The following MARCHF1 variants were observed in gnomAD, a reference collection of about 807,000 sequenced individuals.
MARCHF1 encodes membrane associated ring-CH-type finger 1.
Under a neutral mutation model 54.2 loss-of-function variants are expected in MARCHF1, and 40 were observed. The ratio of observed to expected loss-of-function variants is 0.74; its 90% CI spans 0.57 to 0.96. The LOEUF (loss-of-function observed/expected upper bound fraction) is 0.96, where lower values mean the gene tolerates loss of function less well. Ranked by LOEUF, MARCHF1 falls within the 40% of genes least tolerant of loss-of-function variation. MARCHF1 has a pLI of 0.00. For synonymous variants in MARCHF1, 236 were observed against 236.3 expected (o/e 1.00, Z 0.01); for missense variants, 586 against 656.5 (o/e 0.89, Z 1.17).
chr4:164,312,443 CT>C (rs1734881174), intron 1 of MARCHF1, among the ~76,000 whole-genome samples: 1 of 150,956 alleles, frequency 6.6e-6, no homozygotes, highest in Admixed American at 6.6e-5. Context: ...CTGCCTCAGC[CT>C]CCCGAGTAGC....
chr4:163,600,870 C>T (rs1740941207), intron 7 of MARCHF1, among the ~76,000 whole-genome samples: 2 of 152,152 alleles, frequency 1.3e-5, no homozygotes, highest in Admixed American at 6.5e-5. Flanking sequence ...TACTAAAATC[C>T]GTCGCCAAAC....
rs115783089 is a variant in MARCHF1 at position 163,838,641 on chromosome 4, A to G, written c.111+15380T>C. On this transcript the variant is annotated intron_variant, in intron 4 of 9. Transcript: ENST00000514618. ...TAAAAACAAATGTACAAGGGCCAAGATAATTGAACTGAACTGTCTTCCAAG... is the reference window on the plus strand; with the variant it reads ...TAAAAACAAATGTACAAGGGCCAAGGTAATTGAACTGAACTGTCTTCCAAG... Among the ~76,000 whole-genome samples the G allele has an allele frequency of 4.1e-3, 627 of 152,262 alleles. 6 individuals are homozygous for G. Among genetic ancestry groups the G allele is most frequent in the African/African-American group, 0.014 (599 of 41,586 alleles).
intron 1 of MARCHF1, among the ~76,000 whole-genome samples, chr4:164,144,937 A>T (rs1264916132): frequency 4.7e-5 from 6 of 127,770 alleles, no homozygotes; most frequent in African/African-American, 1.0e-4. Flanking sequence ...AGACTAATAA[A>T]GAAAAAAAGA....
intron 3 of MARCHF1, among the ~76,000 whole-genome samples, chr4:163,950,779 T>C (rs1054350581): frequency 6.6e-6 from 1 of 152,234 alleles, no homozygotes; most frequent in East Asian, 1.9e-4. Flanking sequence ...AGATCAAACA[T>C]ACTAATTTAT....
At chr4:163,585,717 C>A in intron 8 of MARCHF1, 32 bp downstream of exon 8, 2 of 1,481,778 alleles carry the variant, frequency 1.3e-6, no homozygotes, top group Non-Finnish European at 1.8e-6. Context: ...TGCAAATGGT[C>A]CCTCCCAAAC....
intron 1 of MARCHF1, among the ~76,000 whole-genome samples, chr4:164,334,387 C>T (rs991990154): frequency 1.3e-5 from 2 of 152,108 alleles, no homozygotes; most frequent in African/African-American, 4.8e-5. Context: ...TTCTAAAAAT[C>T]GAGGGCCCTT....
chr4:163,899,364 CA>C (rs1750888380), intron 3 of MARCHF1, among the ~76,000 whole-genome samples: 1 of 152,072 alleles, frequency 6.6e-6, no homozygotes, highest in Non-Finnish European at 1.5e-5. Context: ...ACTTTATCAG[CA>C]GCACTATATA....
At chr4:164,368,317 A>C (rs2110947917) in intron 1 of MARCHF1, among the ~76,000 whole-genome samples, 1 of 132,480 alleles carries the variant, frequency 7.5e-6, no homozygotes, top group East Asian at 2.4e-4. Flanking sequence ...AAAAGAAAAT[A>C]ATTTTCTAGA....
chr4:163,526,922 A>G lies in MARCHF1; in HGVS notation c.*1826T>C, dbSNP rs1738127738. 6.6e-6 allele frequency: 1 copy of G among 151,708 alleles called. No homozygotes were observed. Among genetic ancestry groups the G allele is most frequent in the African/African-American group, 2.4e-5 (1 of 41,336 alleles). The allele number at this position is 151,708 out of a possible 1,614,324, so 9.4% of individuals were successfully genotyped here. ...CTGGACTCAGTGTCAGCCACTACTAATATTTATACCATCTTTCTCCTCATT... is the reference window on the plus strand; with the variant it reads ...CTGGACTCAGTGTCAGCCACTACTAGTATTTATACCATCTTTCTCCTCATT... On this transcript the variant is annotated 3_prime_UTR_variant, in exon 10 of 10. Transcript: ENST00000514618.
intron 3 of MARCHF1, among the ~76,000 whole-genome samples, chr4:163,896,096 AT>A (rs562084497): frequency 1.3e-5 from 2 of 152,054 alleles, no homozygotes; most frequent in Non-Finnish European, 2.9e-5. Context: ...TTACACTTTC[AT>A]TTTTTTCACT....
At chr4:163,536,484 T>C (rs1738532912) in intron 9 of MARCHF1, among the ~76,000 whole-genome samples, 1 of 152,182 alleles carries the variant, frequency 6.6e-6, no homozygotes, top group Non-Finnish European at 1.5e-5. Flanking sequence ...TATTTCTCCG[T>C]GTGCAGTATG....
At chr4:163,682,528 T>G (rs1744138937) in intron 5 of MARCHF1, among the ~76,000 whole-genome samples, 1 of 152,156 alleles carries the variant, frequency 6.6e-6, no homozygotes. Flanking sequence ...CCTCGAGACG[T>G]GGTGCCCTGC....
chr4:163,822,189 G>C (rs919793784), intron 4 of MARCHF1, among the ~76,000 whole-genome samples: 1 of 151,796 alleles, frequency 6.6e-6, no homozygotes, highest in Admixed American at 6.6e-5. Context: ...GAGACAAAAG[G>C]TTTGTATACT....
intron 1 of MARCHF1, among the ~76,000 whole-genome samples, chr4:164,312,963 TACTC>T (rs1734902190): frequency 6.6e-6 from 1 of 152,110 alleles, no homozygotes; most frequent in African/African-American, 2.4e-5. Context: ...TGAAAGTCAG[TACTC>T]ACTCTCAATG....
At chr4:163,841,447 A>C (rs1011079294) in intron 4 of MARCHF1, among the ~76,000 whole-genome samples, 8 of 45,490 alleles carry the variant, frequency 1.8e-4, no homozygotes, top group African/African-American at 5.4e-4. Context: ...AATAGAGTCT[A>C]TTTTTTTTAA....
chr4:163,663,379 A>G (rs1293335738), intron 5 of MARCHF1, among the ~76,000 whole-genome samples: 7 of 151,894 alleles, frequency 4.6e-5, no homozygotes, highest in East Asian at 1.9e-4. Context: ...TCTCAGGCCA[A>G]TTTCTCTGGC....
intron 5 of MARCHF1, among the ~76,000 whole-genome samples, chr4:163,628,930 G>A (rs1290654742): frequency 6.6e-6 from 1 of 152,168 alleles, no homozygotes; most frequent in Non-Finnish European, 1.5e-5. Context: ...AACATTCCAT[G>A]CTCATGGGTA....
chr4:163,598,854 T>G (rs1740856134), intron 7 of MARCHF1, among the ~76,000 whole-genome samples: 1 of 152,252 alleles, frequency 6.6e-6, no homozygotes, highest in Non-Finnish European at 1.5e-5. Flanking sequence ...CTTAGCTTAC[T>G]TTAACTTTTA....
intron 1 of MARCHF1, among the ~76,000 whole-genome samples, chr4:164,352,099 T>C (rs986102361): frequency 8.0e-6 from 1 of 125,700 alleles, no homozygotes; most frequent in Admixed American, 7.7e-5. Context: ...CTCCAAGAAA[T>C]ATGGGACTAT....
Sources: allele counts gnomAD v4.1 joint callset (sites outside exome capture counted in the v4.1 genomes callset), GRCh38; gene constraint gnomAD v4.1.1; transcripts MANE v1.5; gene names NCBI Gene and HGNC (gene_info 2026-07-23, HGNC 2026-07-21).